MEGF6: variants seen among roughly 807,000 people sequenced by gnomAD.
MEGF6 encodes the protein multiple epidermal growth factor-like domains protein 6.
A neutral mutation model predicts 207.1 loss-of-function variants in MEGF6; 184 were observed. The ratio of observed to expected loss-of-function variants is 0.89; its 90% confidence interval spans 0.79 to 1.00. The LOEUF is 1.00. MEGF6 is among the 50% of genes least tolerant of loss of function. The pLI, the probability that MEGF6 is intolerant of heterozygous loss-of-function variation, is 0.00. For missense variants in MEGF6, 2,282 were observed against 2,202.9 expected, an observed-to-expected ratio of 1.04 and a Z score of -0.72; for synonymous variants, 1,038 against 910.0, an observed-to-expected ratio of 1.14 and a Z score of -2.53.
Position 3,511,996 on chromosome 1 carries a change from G to A in MEGF6, c.976+10C>T. On this transcript the variant is annotated intron_variant, in intron 8 of 36. Transcript: ENST00000356575. Reference sequence around the variant, plus strand: ...GGGCACCTTCAGCCTGTTGCCGGCTGCCCACTCACGGTAGCACTGCCGGCC... The same window carrying A: ...GGGCACCTTCAGCCTGTTGCCGGCTACCCACTCACGGTAGCACTGCCGGCC... 6.2e-7 allele frequency: 1 copy of A among 1,611,872 alleles called. No homozygotes were observed. Among genetic ancestry groups the A allele is most frequent in the Non-Finnish European group, 8.5e-7 (1 of 1,179,886 alleles).
chr1:3,522,631 T>TCCTTGTCCCTTTTGA (rs1641797480), intron 5 of MEGF6, among the ~76,000 whole-genome samples: 1 of 151,734 alleles, frequency 6.6e-6, no homozygotes, highest in African/African-American at 2.4e-5. Flanking sequence ...GGTGGGGTGG[T>TCCTTGTCCCTTTTGA]CCTTGTCCCT....
rs761349995 is a variant in MEGF6 at position 3,509,115 on chromosome 1, C to T, written c.1488G>A (p.Glu496=). ...GCGTGTGTTCGCCCCGCAACTCTGC[C>T]TCTTCCTCATCGGCCCCGACGTCGT... ...QDDDVGADEE[E]AELRGEHTLT... is the part of the protein sequence containing the mutation. The change falls in exon 12 of 37, where the codon GAG becomes GAA. Residue 496 remains glutamate (E), a synonymous_variant. Coordinates refer to ENST00000356575, the MANE Select transcript of MEGF6 (RefSeq NM_001409.4). 2 of 1,601,966 alleles carry T rather than the reference C, an allele frequency of 1.2e-6. No individual in the cohort carries two copies. Among genetic ancestry groups the T allele is most frequent in the South Asian group, 2.2e-5 (2 of 89,232 alleles).
At chr1:3,491,445 G>A (rs1399225763) in intron 35 of MEGF6, among the ~76,000 whole-genome samples, 1 of 152,092 alleles carries the variant, frequency 6.6e-6, no homozygotes, top group Non-Finnish European at 1.5e-5. Context: ...CGCACAGGCT[G>A]CTGCCCCGCC....
intron 32 of MEGF6, 86 bp from the exon 33 acceptor site, chr1:3,494,210 A>G (rs963333838): frequency 6.7e-7 from 1 of 1,497,382 alleles, no homozygotes; most frequent in African/African-American, 1.4e-5. Flanking sequence ...CCGCCAATCC[A>G]GGGGCCCGAG....
chr1:3,541,067 C>T lies in MEGF6; in HGVS notation c.482-16821G>A, dbSNP rs149177675. Among the ~76,000 whole-genome samples the T allele has an allele frequency of 3.1e-3, 478 of 152,308 alleles. 1 individual carries two copies. The highest frequency in any genetic ancestry group is 9.7e-3 in the African/African-American group (405 of 41,568). On this transcript the variant is annotated intron_variant, in intron 4 of 36. Coordinates refer to ENST00000356575, the MANE Select transcript of MEGF6 (RefSeq NM_001409.4). ...GGTGTCAGGGCGGGGTGGGGCCAGG[C>T]GCAGGCTGGGGCCCTGGACTTCAAA... is the stretch of plus-strand genomic sequence containing the variant.
At chr1:3,608,495 G>A (rs1387988673) in intron 1 of MEGF6, among the ~76,000 whole-genome samples, 1 of 152,154 alleles carries the variant, frequency 6.6e-6, no homozygotes, top group Non-Finnish European at 1.5e-5. Flanking sequence ...AGAGCTACTT[G>A]CAAGATTGGA....
chr1:3,591,994 T>C (rs1162481830), intron 3 of MEGF6, among the ~76,000 whole-genome samples: 1 of 152,198 alleles, frequency 6.6e-6, no homozygotes, highest in Non-Finnish European at 1.5e-5. Flanking sequence ...GGCATCGGCA[T>C]CCGGCCCATC....
Position 3,540,423 on chromosome 1 carries a change from C to G in MEGF6, c.482-16177G>C, listed in dbSNP as rs1042760883. 7.9e-5 allele frequency among the ~76,000 whole-genome samples: 12 copies of G among 152,246 alleles called. 1 individual carries two copies. Among genetic ancestry groups the G allele is most frequent in the Admixed American group, 6.5e-4 (10 of 15,292 alleles). ...GGGGAGGCCCAGATTCAGCCACCCA[C>G]AGGAACGTGGCCCCAGCTTTGCAAC... On this transcript the variant is annotated intron_variant, in intron 4 of 36. Coordinates refer to ENST00000356575, the MANE Select transcript of MEGF6 (RefSeq NM_001409.4).
chr1:3,515,518 G>C lies in MEGF6; in HGVS notation c.614C>G (p.Ser205Cys). 6.2e-7 allele frequency: 1 copy of C among 1,612,350 alleles called. No individual in the cohort carries two copies. Among genetic ancestry groups the C allele is most frequent in the Non-Finnish European group, 8.5e-7 (1 of 1,179,570 alleles). The change falls in exon 6 of 37, where the codon TCC (serine) becomes TGC (cysteine). Residue 205 changes from serine (S) to cysteine (C), a missense_variant. Transcript: ENST00000356575. ...TDSRTCLAIN[S>C]CALGNGGCQH... ...GCAGCCGCCATTGCCCAGGGCGCAG[G>C]AGTTAATGGCTGGGGACACAGGGAG...
At chr1:3,510,664 G>T in intron 10 of MEGF6, 119 bp downstream of exon 10, 1 of 1,376,740 alleles carries the variant, frequency 7.3e-7, no homozygotes, top group Non-Finnish European at 9.6e-7. Context: ...CCAAAGCAAA[G>T]CACAGAGCAG....
rs1486067233 is a variant in MEGF6 at position 3,500,558 on chromosome 1, TGTGTGTGCACGTGTGCATATGTGTGC to T, written c.2707+49_2707+74del. On this transcript the variant is annotated intron_variant, in intron 21 of 36. Transcript: ENST00000356575. ...GGAGGGAGTACGGTCAAAGGCTTTG[TGTGTGTGCACGTGTGCATATGTGTGC>T]GTGTGCGCACTCAGGAGGGTGGCAG... 4.1e-6 allele frequency: 6 copies of T among 1,472,494 alleles called. No individual in the cohort carries two copies. The African/African-American group carries it at 8.4e-5, about 21-fold the overall frequency. 91.2% of individuals were successfully genotyped at this position (1,472,494 alleles called of 1,614,324 possible).
At chr1:3,494,337 G>A (rs1470388388) in intron 32 of MEGF6, 34 bp downstream of exon 32, 1 of 1,526,694 alleles carries the variant, frequency 6.6e-7, no homozygotes, top group South Asian at 1.2e-5. Context: ...GGCTCAAAGG[G>A]GCCCCAGCCC....
chr1:3,556,842 C>T lies in MEGF6; in HGVS notation c.481+22983G>A, dbSNP rs1178681028. Among the ~76,000 whole-genome samples, 4 of 152,164 alleles carry T rather than the reference C, an allele frequency of 2.6e-5. No homozygotes were observed. In the East Asian group the frequency reaches 5.8e-4, roughly 22 times the overall value. On this transcript the variant is annotated intron_variant, in intron 4 of 36. Transcript: ENST00000356575. The surrounding 1 kb of genome is among the most constrained non-coding windows in gnomAD (Gnocchi z 4.4). ...GAATGTTAAAAACTGCCGAGCCTGC[C>T]GGGTGAGGATGGTGAGGCTGCCTCA...
At chr1:3,515,260 T>A in intron 6 of MEGF6, 142 bp downstream of exon 6, 1 of 1,025,372 alleles carries the variant, frequency 9.8e-7, no homozygotes, top group Non-Finnish European at 1.4e-6. Flanking sequence ...CTGAGCTTCC[T>A]GGCCCCAAAT....
Position 3,495,879 on chromosome 1 carries a change from T to C in MEGF6, c.3871+11A>G, listed in dbSNP as rs755767359. 1 of 1,597,490 alleles carries C rather than the reference T, an allele frequency of 6.3e-7. No individual in the cohort carries two copies. The highest frequency in any genetic ancestry group is 8.5e-7 in the Non-Finnish European group (1 of 1,179,000). ...GGGCCTGTGAGCATGCCCTCTGGAG[T>C]GAACACTCACCTCGCTCACAGCGGA... On this transcript the variant is annotated intron_variant, in intron 30 of 36. Coordinates refer to ENST00000356575, the MANE Select transcript of MEGF6 (RefSeq NM_001409.4).
rs1641308311 is a variant in MEGF6, at chr1:3,510,662, A to G, written c.1234+121T>C. ...AACCAACACCCACAGCCCCAAAGCAAAGCACAGAGCAGGCCGACCCCATGC... is the reference window on the plus strand; with the variant it reads ...AACCAACACCCACAGCCCCAAAGCAGAGCACAGAGCAGGCCGACCCCATGC... On this transcript the variant is annotated intron_variant, in intron 10 of 36. Transcript: ENST00000356575. 20 of 1,366,472 alleles carry G rather than the reference A, an allele frequency of 1.5e-5. 1 individual carries two copies. The South Asian group carries it at 2.7e-4, about 19-fold the overall frequency. The allele number at this position is 1,366,472 out of a possible 1,614,324, so 84.6% of individuals were successfully genotyped here. A position where few individuals can be genotyped will look rare whatever the true frequency, so the allele number is the denominator to read the frequency against.
rs777198602 is a variant in MEGF6, at chr1:3,488,277, G to A, written c.*2251C>T. Among the ~76,000 whole-genome samples, 12 of 152,162 alleles carry A rather than the reference G, an allele frequency of 7.9e-5. No homozygotes were observed. Among genetic ancestry groups the A allele is most frequent in the Non-Finnish European group, 1.3e-4 (9 of 68,028 alleles). On this transcript the variant is annotated 3_prime_UTR_variant, in exon 37 of 37. Transcript: ENST00000356575. The stretch of plus-strand genomic sequence containing the variant: ...CCGTTGGATAGCTGAGATTTCCTCC[G>A]GATGGGCAGAAGCTCGGCCTGCCTT...
chr1:3,572,777 T>C (rs1033174634), intron 4 of MEGF6, among the ~76,000 whole-genome samples: 3 of 147,490 alleles, frequency 2.0e-5, no homozygotes, highest in South Asian at 2.2e-4. Context: ...CTCCTGCGTA[T>C]GCTGGGTCCT....
At chr1:3,570,964 C>G (rs1009366959) in intron 4 of MEGF6, among the ~76,000 whole-genome samples, 1 of 152,204 alleles carries the variant, frequency 6.6e-6, no homozygotes, top group African/African-American at 2.4e-5. Context: ...GGGACACACA[C>G]ACCACAGCCC....
Sources: gnomAD v4.1 joint callset for allele counts (sites outside exome capture counted in the v4.1 genomes callset) on GRCh38, gnomAD v4.1.1 for gene constraint, Gnocchi (gnomAD v3.1) non-coding constraint, MANE v1.5 for transcripts, NCBI Gene and HGNC (gene_info 2026-07-23, HGNC 2026-07-21) for gene names.